CERT1: variants seen among roughly 807,000 people sequenced by gnomAD.
The protein encoded by CERT1 is ceramide transfer protein.
In CERT1, 31 loss-of-function variants were observed where a neutral mutation model predicts 87.9. That is an observed-to-expected ratio of 0.35 (90% CI 0.27 to 0.48). CERT1 has a LOEUF of 0.48. Ranked by LOEUF, CERT1 falls within the 20% of genes least tolerant of loss-of-function variation. CERT1 has a pLI of 0.99. For synonymous variants in CERT1, 289 were observed against 250.9 expected (o/e 1.15, Z -1.44); for missense variants, 487 against 758.0 (o/e 0.64, Z 4.20).
At position 75,384,719 on chromosome 5, in the gene CERT1, TGAA is replaced by T; in HGVS notation, c.1418-10_1418-8del. Reference sequence around the variant, plus strand: ...TGAAAGTTTTCTATAGTTGCTGAAATGAAGAGAATAATAAAAAGATATATTATC... The same window carrying T: ...TGAAAGTTTTCTATAGTTGCTGAAATGAGAATAATAAAAAGATATATTATC... On this transcript the variant is annotated splice_polypyrimidine_tract_variant and splice_region_variant and intron_variant, in intron 13 of 16. Transcript: ENST00000643780. 1 of 1,524,448 alleles carries T rather than the reference TGAA, an allele frequency of 6.6e-7. No individual in the cohort carries two copies. Among genetic ancestry groups the T allele is most frequent in the Non-Finnish European group, 9.1e-7 (1 of 1,100,442 alleles). The allele number at this position is 1,524,448 out of a possible 1,614,324, so 94.4% of individuals were successfully genotyped here.
At chr5:75,479,191 T>C (rs953554029) in intron 2 of CERT1, among the ~76,000 whole-genome samples, 8 of 152,218 alleles carry the variant, frequency 5.3e-5, no homozygotes, top group Non-Finnish European at 1.2e-4. Context: ...AAAAACTCAC[T>C]ACTTTGCAAA....
chr5:75,448,126 T>C (rs930102166), intron 3 of CERT1, among the ~76,000 whole-genome samples: 4 of 152,200 alleles, frequency 2.6e-5, no homozygotes, highest in African/African-American at 9.6e-5. Flanking sequence ...TACCAATCAA[T>C]AATCAATATT....
At chr5:75,379,631 GGTGCA>G (rs905598354) in intron 16 of CERT1, among the ~76,000 whole-genome samples, 158 bp from the exon 17 acceptor site, 5 of 151,932 alleles carry the variant, frequency 3.3e-5, no homozygotes, top group African/African-American at 1.2e-4. Context: ...CTGTTGCCAG[GGTGCA>G]GTGCAGTGGC....
intron 3 of CERT1, among the ~76,000 whole-genome samples, chr5:75,445,825 C>T (rs552630428): frequency 2.0e-5 from 3 of 152,274 alleles, no homozygotes; most frequent in African/African-American, 7.2e-5. Context: ...GTTGACAGTT[C>T]TTTCCTTTTA....
At chr5:75,400,400 G>A (rs747572669) in intron 9 of CERT1, 103 bp from the exon 10 acceptor site, 7 of 736,998 alleles carry the variant, frequency 9.5e-6, no homozygotes, top group Admixed American at 5.1e-5. Context: ...CTTAGTGAAC[G>A]CCTTAGTGCT....
At chr5:75,391,718 T>C (rs548028486) in intron 11 of CERT1, among the ~76,000 whole-genome samples, 3 of 152,218 alleles carry the variant, frequency 2.0e-5, no homozygotes, top group African/African-American at 4.8e-5. Context: ...AAAAGTAGCA[T>C]TGGCTTGATT....
intron 2 of CERT1, among the ~76,000 whole-genome samples, chr5:75,493,055 G>T (rs926409179): frequency 2.6e-5 from 4 of 152,062 alleles, no homozygotes; most frequent in African/African-American, 9.7e-5. Flanking sequence ...AACCTCTATC[G>T]CATTTTCCTC....
rs186141416 is a variant in CERT1, at chr5:75,408,307, T to C, written c.930+2704A>G. On this transcript the variant is annotated intron_variant, in intron 8 of 16. Transcript: ENST00000643780. ...AAAAGAAGTTAGTAACTTATGTCTT[T>C]AGGTGAATGCACACTTACAGGTAGA... Among the ~76,000 whole-genome samples, 103 of 152,312 alleles carry C rather than the reference T, an allele frequency of 6.8e-4. 1 individual carries two copies. The highest frequency in any genetic ancestry group is 2.4e-3 in the African/African-American group (100 of 41,568).
At chr5:75,391,937 A>G (rs1317847717) in intron 11 of CERT1, among the ~76,000 whole-genome samples, 1 of 152,216 alleles carries the variant, frequency 6.6e-6, no homozygotes, top group Non-Finnish European at 1.5e-5. Context: ...GAATGTGAAG[A>G]ACAGAAGAAT....
intron 3 of CERT1, among the ~76,000 whole-genome samples, chr5:75,429,316 C>T (rs956764239): frequency 2.0e-5 from 3 of 152,030 alleles, no homozygotes; most frequent in Admixed American, 6.6e-5. Context: ...ATTCTCCTGC[C>T]TCAGCCTCCC....
At chr5:75,375,036 T>A (rs962955476), downstream of CERT1, 8 of 203,006 alleles carry the variant, frequency 3.9e-5, no homozygotes, top group African/African-American at 1.9e-4. Flanking sequence ...CCTCACAATT[T>A]GCATAGTTGT....
At position 75,392,082 on chromosome 5, in the gene CERT1, A is replaced by G. The variant is rs185252446; in HGVS notation, c.1189-2395T>C. Among the ~76,000 whole-genome samples, 195 of 152,364 alleles carry G rather than the reference A, an allele frequency of 1.3e-3. 1 individual carries two copies. Among genetic ancestry groups the G allele is most frequent in the Middle Eastern group, 3.4e-3 (1 of 294 alleles). On this transcript the variant is annotated intron_variant, in intron 11 of 16. Coordinates refer to ENST00000643780, the MANE Select transcript of CERT1 (RefSeq NM_001379029.1). ...GAATTAGGGATTTCAAATGCCTAAGAAATGAGGTGTTTTTGATTTGTGGTT... is the reference window on the plus strand; with the variant it reads ...GAATTAGGGATTTCAAATGCCTAAGGAATGAGGTGTTTTTGATTTGTGGTT...
intron 3 of CERT1, among the ~76,000 whole-genome samples, chr5:75,435,866 G>A (rs1379904299): frequency 6.6e-6 from 1 of 152,060 alleles, no homozygotes; most frequent in Non-Finnish European, 1.5e-5. Flanking sequence ...CTGGTAGGGT[G>A]GTGGTGGCTC....
At chr5:75,431,502 T>C (rs1179069016) in intron 3 of CERT1, among the ~76,000 whole-genome samples, 2 of 152,226 alleles carry the variant, frequency 1.3e-5, no homozygotes, top group Non-Finnish European at 2.9e-5. Context: ...AGCTCTGTCA[T>C]GGCAGGAACT....
chr5:75,392,318 G>C (rs1762059174), intron 11 of CERT1, among the ~76,000 whole-genome samples: 1 of 152,148 alleles, frequency 6.6e-6, no homozygotes, highest in African/African-American at 2.4e-5. Flanking sequence ...CAGCTACACT[G>C]CATCAATGGA....
chr5:75,476,634 T>C (rs1056860620), intron 2 of CERT1, among the ~76,000 whole-genome samples: 2 of 152,192 alleles, frequency 1.3e-5, no homozygotes, highest in Non-Finnish European at 2.9e-5. Flanking sequence ...TCTCATTCTA[T>C]TTAAAGGCTT....
chr5:75,490,966 T>C (rs1300908683), intron 2 of CERT1, among the ~76,000 whole-genome samples: 1 of 152,200 alleles, frequency 6.6e-6, no homozygotes, highest in Non-Finnish European at 1.5e-5. Flanking sequence ...AAGGTGGTTC[T>C]TCTTATCTTC....
At chr5:75,466,205 T>C (rs1268739182) in intron 2 of CERT1, among the ~76,000 whole-genome samples, 3 of 152,180 alleles carry the variant, frequency 2.0e-5, no homozygotes, top group East Asian at 1.9e-4. Flanking sequence ...AGATAAGGAT[T>C]AGAAGCCAGG....
At chr5:75,473,537 TAG>T (rs1765811211) in intron 2 of CERT1, among the ~76,000 whole-genome samples, 1 of 152,076 alleles carries the variant, frequency 6.6e-6, no homozygotes, top group Admixed American at 6.6e-5. Flanking sequence ...CTCATGGAAA[TAG>T]AGAGTAGAAT....
Sources: gnomAD v4.1 joint callset for allele counts (sites outside exome capture counted in the v4.1 genomes callset) on GRCh38, gnomAD v4.1.1 for gene constraint, MANE v1.5 for transcripts, NCBI Gene and HGNC (gene_info 2026-07-23, HGNC 2026-07-21) for gene names.